CSMD1: variants seen among roughly 807,000 people sequenced by gnomAD.
CSMD1 encodes the protein CUB and Sushi multiple domains 1.
In CSMD1, 213 loss-of-function variants were observed where a neutral mutation model predicts 417.5. The observed-to-expected ratio is 0.51, with a 90% confidence interval of 0.46 to 0.57. CSMD1 has a LOEUF of 0.57. CSMD1 is among the 20% of genes least tolerant of loss of function. The probability of loss-of-function intolerance (pLI) is 0.00; values close to 1 mark genes in which losing one functional copy is unlikely to be tolerated. For missense variants in CSMD1, 6,923 were observed against 4,529.7 expected (o/e 1.53, Z -15.17); for synonymous variants, 2,862 against 1,736.8 (o/e 1.65, Z -16.11).
intron 10 of CSMD1, among the ~76,000 whole-genome samples, chr8:3,497,747 T>C (rs1796427027): frequency 1.3e-5 from 2 of 152,208 alleles, no homozygotes; most frequent in South Asian, 4.1e-4. Context: ...TAAATTATAT[T>C]GTCACTTGGT....
intron 5 of CSMD1, among the ~76,000 whole-genome samples, chr8:3,768,091 T>A (rs1250112418): frequency 6.6e-6 from 1 of 152,166 alleles, no homozygotes; most frequent in East Asian, 1.9e-4. Context: ...TTTAGAGTCA[T>A]ATATTTAAAG....
chr8:3,999,426 A>G (rs925219444), intron 4 of CSMD1, among the ~76,000 whole-genome samples: 5 of 152,168 alleles, frequency 3.3e-5, no homozygotes, highest in Non-Finnish European at 5.9e-5. Flanking sequence ...GCAAGTTCCA[A>G]TATTTCTTTC....
intron 7 of CSMD1, among the ~76,000 whole-genome samples, chr8:3,665,421 C>G (rs1411212928): frequency 6.6e-6 from 1 of 152,028 alleles, no homozygotes; most frequent in African/African-American, 2.4e-5. Context: ...ACCAGCTACT[C>G]CGGAGGCTGA....
At chr8:4,227,588 C>T (rs993746285) in intron 3 of CSMD1, among the ~76,000 whole-genome samples, 31 of 152,140 alleles carry the variant, frequency 2.0e-4, no homozygotes, top group Admixed American at 3.3e-4. Context: ...TCCCACAGCC[C>T]CCGACCTCAG....
intron 5 of CSMD1, among the ~76,000 whole-genome samples, chr8:3,811,102 G>C (rs1220954251): frequency 6.6e-6 from 1 of 152,108 alleles, no homozygotes; most frequent in African/African-American, 2.4e-5. Flanking sequence ...TAGTTCTAAG[G>C]TGACTCCTCT....
intron 5 of CSMD1, among the ~76,000 whole-genome samples, chr8:3,866,086 C>A (rs13249429): frequency 0.082 from 12,495 of 152,152 alleles, 590 homozygotes; most frequent in South Asian, 0.15. Flanking sequence ...TATTCATGAG[C>A]TTTCTTCCAA....
intron 3 of CSMD1, among the ~76,000 whole-genome samples, chr8:4,037,012 G>C (rs186331286): frequency 5.9e-4 from 89 of 151,418 alleles, no homozygotes; most frequent in Non-Finnish European, 1.0e-3. Flanking sequence ...TGCCATGGTA[G>C]TGTGTCCTGT....
intron 46 of CSMD1, among the ~76,000 whole-genome samples, chr8:3,105,802 C>G (rs1004955335): frequency 3.9e-5 from 6 of 152,104 alleles, no homozygotes; most frequent in Admixed American, 3.3e-4. Flanking sequence ...AAAAATATAG[C>G]GTAGCTTAAT....
intron 1 of CSMD1, among the ~76,000 whole-genome samples, chr8:4,917,405 T>C (rs1189383474): frequency 5.3e-5 from 8 of 152,024 alleles, no homozygotes; most frequent in East Asian, 1.9e-4. Context: ...GAGGCCAAGG[T>C]GGGCAGACTA....
At chr8:4,270,660 G>T (rs1287077139) in intron 3 of CSMD1, among the ~76,000 whole-genome samples, 2 of 152,146 alleles carry the variant, frequency 1.3e-5, no homozygotes, top group African/African-American at 4.8e-5. Flanking sequence ...TCGCGTGTCT[G>T]CCAATGTAGC....
chr8:4,931,463 C>A (rs1162634915), intron 1 of CSMD1, among the ~76,000 whole-genome samples: 1 of 152,188 alleles, frequency 6.6e-6, no homozygotes, highest in Non-Finnish European at 1.5e-5. Context: ...AGCCTGCCCA[C>A]CGTCTGTCCC....
intron 26 of CSMD1, among the ~76,000 whole-genome samples, chr8:3,259,527 G>T (rs1800901234): frequency 6.6e-6 from 1 of 152,102 alleles, no homozygotes; most frequent in South Asian, 2.1e-4. Context: ...TGTCTGTAAG[G>T]GGTAGGTTAT....
intron 40 of CSMD1, among the ~76,000 whole-genome samples, chr8:3,150,906 G>C (rs1019399480): frequency 4.0e-5 from 6 of 151,830 alleles, no homozygotes; most frequent in African/African-American, 1.5e-4. Context: ...TTAATAACTA[G>C]ATATTAAAAA....
At chr8:4,053,172 T>A (rs1284879343) in intron 3 of CSMD1, among the ~76,000 whole-genome samples, 2 of 152,188 alleles carry the variant, frequency 1.3e-5, no homozygotes, top group African/African-American at 4.8e-5. Context: ...GAACTACAGG[T>A]GCAAATTTGA....
intron 30 of CSMD1, among the ~76,000 whole-genome samples, chr8:3,207,066 A>G (rs1309562870): frequency 6.6e-6 from 1 of 151,652 alleles, no homozygotes; most frequent in African/African-American, 2.4e-5. Flanking sequence ...TTGAATTCAG[A>G]ATTAGCTTCA....
At chr8:3,453,729 C>T (rs977664042) in intron 12 of CSMD1, among the ~76,000 whole-genome samples, 7 of 152,216 alleles carry the variant, frequency 4.6e-5, no homozygotes, top group Admixed American at 4.6e-4. Flanking sequence ...GCTTTACTTA[C>T]AACTATGTGG....
intron 3 of CSMD1, among the ~76,000 whole-genome samples, chr8:4,249,586 T>G (rs1039510503): frequency 2.6e-5 from 4 of 152,178 alleles, no homozygotes; most frequent in Admixed American, 6.5e-5. Flanking sequence ...CTTGAAGCTG[T>G]GTATTGAGAG....
At chr8:3,142,992 A>C (rs74446927) in intron 40 of CSMD1, among the ~76,000 whole-genome samples, 1 of 152,154 alleles carries the variant, frequency 6.6e-6, no homozygotes, top group African/African-American at 2.4e-5. Flanking sequence ...GCACACACGC[A>C]CTCGGGGATG....
At chr8:4,598,651 C>G (rs1466721221) in intron 2 of CSMD1, among the ~76,000 whole-genome samples, 1 of 152,156 alleles carries the variant, frequency 6.6e-6, no homozygotes, top group African/African-American at 2.4e-5. Context: ...TGCTAGGAAT[C>G]TAGACACCTA....
Sources: gnomAD v4.1 joint callset for allele counts (sites outside exome capture counted in the v4.1 genomes callset) on GRCh38, gnomAD v4.1.1 for gene constraint, MANE v1.5 for transcripts, NCBI Gene and HGNC (gene_info 2026-07-23, HGNC 2026-07-21) for gene names.